MAPRE2: variants seen among roughly 807,000 people sequenced by gnomAD.
MAPRE2 encodes microtubule associated protein RP/EB family member 2, also known as microtubule-associated protein RP/EB family member 2.
Under a neutral mutation model 43.2 loss-of-function variants are expected in MAPRE2, and 13 were observed. That is an observed-to-expected ratio of 0.30 (90% CI 0.20 to 0.48). The LOEUF is 0.48. MAPRE2 is among the 20% of genes least tolerant of loss of function. MAPRE2 has a pLI of 0.99. For synonymous variants in MAPRE2, 135 were observed against 148.8 expected (o/e 0.91, Z 0.68); for missense variants, 161 against 400.2 (o/e 0.40, Z 5.10).
rs991612008 is a variant in MAPRE2 at position 35,102,171 on chromosome 18, A to G, written c.610+12A>G. ...CTCCCCCACAGCAGGTATTGTCACA[A>G]TGAGATTGCGGGAGTTGCTTTCATC... On this transcript the variant is annotated intron_variant, in intron 4 of 6. Coordinates refer to ENST00000300249, the MANE Select transcript of MAPRE2 (RefSeq NM_014268.4). 3.8e-6 allele frequency: 6 copies of G among 1,567,740 alleles called. No homozygotes were observed. The highest frequency in any genetic ancestry group is 1.4e-5 in the African/African-American group (1 of 72,996).
At chr18:35,117,107 TAC>T (rs1257572401) in intron 4 of MAPRE2, among the ~76,000 whole-genome samples, 2 of 152,162 alleles carry the variant, frequency 1.3e-5, no homozygotes. Context: ...CGTAAGATGA[TAC>T]AGTCAGCAAA....
chr18:35,102,014 G>A lies in MAPRE2; in HGVS notation c.465G>A (p.Lys155=), dbSNP rs778753850. The A allele has an allele frequency of 6.2e-7, 1 of 1,613,328 alleles. No individual in the cohort carries two copies. Residue 155 remains lysine, a synonymous_variant, in exon 4 of 7, where the codon AAG becomes AAA. Transcript: ENST00000300249. Reference sequence around the variant, plus strand: ...ACCTGGATTTTATTCAATGGTTTAAGAAATTCTATGATGCTAACTACGATG... The same window carrying A: ...ACCTGGATTTTATTCAATGGTTTAAAAAATTCTATGATGCTAACTACGATG... ...QDNLDFIQWF[K]KFYDANYDGK...
intron 5 of MAPRE2, chr18:35,127,651 C>T (rs1638761509): frequency 6.6e-6 from 1 of 152,182 alleles, no homozygotes; most frequent in African/African-American, 2.4e-5. Flanking sequence ...AGCAGTTGCA[C>T]ACAGTAAGTT....
chr18:35,122,564 A>G (rs1909727739), intron 4 of MAPRE2, among the ~76,000 whole-genome samples: 2 of 152,258 alleles, frequency 1.3e-5, no homozygotes, highest in Non-Finnish European at 2.9e-5. Flanking sequence ...GTGATTGATT[A>G]TTAAATGTTT....
chr18:35,037,397 A>G (rs1267362177), upstream of MAPRE2, among the ~76,000 whole-genome samples: 2 of 152,246 alleles, frequency 1.3e-5, no homozygotes, highest in Non-Finnish European at 2.9e-5. Context: ...TTTATCGATG[A>G]GGAAACTAAA....
chr18:34,978,617 G>C, intron 1 of MAPRE2: 5 of 1,289,706 alleles, frequency 3.9e-6, no homozygotes, highest in Non-Finnish European at 5.5e-6. Context: ...CAAGCAAAAA[G>C]GGGTATGGCT....
chr18:35,094,988 A>G (rs1228718576), intron 2 of MAPRE2, among the ~76,000 whole-genome samples: 1 of 152,176 alleles, frequency 6.6e-6, no homozygotes, highest in East Asian at 1.9e-4. Flanking sequence ...GAGGCAGGGC[A>G]CTATAGCATC....
chr18:35,110,915 G>A (rs890465621), intron 4 of MAPRE2, among the ~76,000 whole-genome samples: 2 of 152,076 alleles, frequency 1.3e-5, no homozygotes, highest in Admixed American at 1.3e-4. Flanking sequence ...ACTATGATGT[G>A]CCTAATTATG....
intron 2 of MAPRE2, among the ~76,000 whole-genome samples, chr18:35,079,917 T>C (rs1907552419): frequency 6.6e-6 from 1 of 152,236 alleles, no homozygotes; most frequent in African/African-American, 2.4e-5. Context: ...TGCATGTACA[T>C]TGCATGTGTA....
At position 35,126,131 on chromosome 18, in the gene MAPRE2, T is replaced by TTCCCTC. The variant is rs373769605; in HGVS notation, c.611-805_611-800dup. Among the ~76,000 whole-genome samples, 337 of 152,354 alleles carry TTCCCTC rather than the reference T, an allele frequency of 2.2e-3. 3 individuals are homozygous for TTCCCTC. Among genetic ancestry groups the TTCCCTC allele is most frequent in the African/African-American group, 7.4e-3 (307 of 41,582 alleles). The stretch of plus-strand genomic sequence containing the variant: ...GAAAAGATCTTTATATTCTTTTCTC[T>TTCCCTC]TCCCTCTCCCTCTCCCTGTCTTCCA... On this transcript the variant is annotated intron_variant, in intron 4 of 6. Transcript: ENST00000300249.
rs575347953 is a variant in MAPRE2, at chr18:35,064,000, T to TAAAAAAAAAA, written c.123-6171_123-6162dup. 3.2e-3 allele frequency among the ~76,000 whole-genome samples: 108 copies of TAAAAAAAAAA among 33,950 alleles called. 13 individuals are homozygous for TAAAAAAAAAA. Among genetic ancestry groups the TAAAAAAAAAA allele is most frequent in the Non-Finnish European group, 4.2e-3 (83 of 19,554 alleles). The allele number at this position is 33,950 out of a possible 152,430, so 22.3% of individuals were successfully genotyped here. A position where few individuals can be genotyped will look rare whatever the true frequency, so the allele number is the denominator to read the frequency against. ...ACTGCCGAGTGAGACCCTGTCTCTTTAAAAAAAAAAAAAAAAAAAAAAAAA... is the reference window on the plus strand; with the variant it reads ...ACTGCCGAGTGAGACCCTGTCTCTTTAAAAAAAAAAAAAAAAAAAAAAAAAAAAAAAAAAA... On this transcript the variant is annotated intron_variant, in intron 1 of 6. Transcript: ENST00000300249.
intron 4 of MAPRE2, among the ~76,000 whole-genome samples, chr18:35,119,582 A>C (rs1909578717): frequency 6.6e-6 from 1 of 152,218 alleles, no homozygotes; most frequent in Non-Finnish European, 1.5e-5. Flanking sequence ...GCACAAATGA[A>C]TGAATTAGGA....
intron 1 of MAPRE2, among the ~76,000 whole-genome samples, chr18:35,064,106 C>A (rs752065903): frequency 1.3e-5 from 2 of 148,970 alleles, no homozygotes; most frequent in South Asian, 2.1e-4. Context: ...ATTGCTTGGG[C>A]CCAGGAGGCA....
intron 2 of MAPRE2, among the ~76,000 whole-genome samples, chr18:35,005,711 A>G (rs1293833996): frequency 1.3e-5 from 2 of 152,224 alleles, no homozygotes; most frequent in African/African-American, 4.8e-5. Context: ...ACTATTTTTC[A>G]AATCAAATTC....
intron 1 of MAPRE2, among the ~76,000 whole-genome samples, chr18:35,059,814 G>C (rs765072911): frequency 5.3e-5 from 8 of 152,192 alleles, no homozygotes; most frequent in Non-Finnish European, 8.8e-5. Context: ...TTGAGCCCCA[G>C]TTATCCCTAA....
At position 35,140,585 on chromosome 18, in the gene MAPRE2, C is replaced by G. The variant is rs376651024; in HGVS notation, c.*216C>G. 1.7e-5 allele frequency: 9 copies of G among 539,304 alleles called. No homozygotes were observed. The highest frequency in any genetic ancestry group is 3.1e-5 in the Admixed American group (1 of 32,354). The allele number at this position is 539,304 out of a possible 1,614,324, so 33.4% of individuals were successfully genotyped here. On this transcript the variant is annotated 3_prime_UTR_variant, in exon 7 of 7. Transcript: ENST00000300249. ...CCCTCTGGCCACCTACCCGAGAGATCGTAGGGTCACATACATCCAACTTCA... is the reference window on the plus strand; with the variant it reads ...CCCTCTGGCCACCTACCCGAGAGATGGTAGGGTCACATACATCCAACTTCA...
intron 1 of MAPRE2, among the ~76,000 whole-genome samples, chr18:34,997,481 A>G (rs1410486336): frequency 1.3e-5 from 2 of 152,190 alleles, no homozygotes; most frequent in Non-Finnish European, 2.9e-5. Context: ...GCAGCTAACT[A>G]AAAGGCAAGC....
intron 2 of MAPRE2, among the ~76,000 whole-genome samples, chr18:35,031,911 A>T (rs2097048028): frequency 6.6e-6 from 1 of 152,132 alleles, no homozygotes; most frequent in Non-Finnish European, 1.5e-5. Context: ...TAAGGCCAGG[A>T]GGTATTTGCA....
intron 2 of MAPRE2, among the ~76,000 whole-genome samples, chr18:35,077,223 T>A (rs545046441): frequency 2.6e-4 from 39 of 151,004 alleles, no homozygotes; most frequent in African/African-American, 9.0e-4. Flanking sequence ...TCTCTCTCTC[T>A]CACAGATACG....
Sources: allele counts gnomAD v4.1 joint callset (sites outside exome capture counted in the v4.1 genomes callset), GRCh38; gene constraint gnomAD v4.1.1; transcripts MANE v1.5; gene names NCBI Gene and HGNC (gene_info 2026-07-23, HGNC 2026-07-21).